Variants in KCTD9 observed in about 807,000 individuals in gnomAD.
KCTD9 encodes BTB/POZ domain-containing protein KCTD9.
In KCTD9, 17 loss-of-function variants were observed where a neutral mutation model predicts 53.3. The observed-to-expected ratio is 0.32, with a 90% CI of 0.22 to 0.48. The LOEUF (loss-of-function observed/expected upper bound fraction) is 0.48. Ranked by LOEUF, KCTD9 falls within the 20% of genes least tolerant of loss-of-function variation. The probability of loss-of-function intolerance (pLI) is 0.99; values close to 1 mark genes in which losing one functional copy is unlikely to be tolerated. For missense variants in KCTD9, 179 were observed against 465.5 expected (o/e 0.38, Z 5.66); for synonymous variants, 128 against 162.7 (o/e 0.79, Z 1.62).
chr8:25,442,458 A>T lies in KCTD9; in HGVS notation c.215-1785T>A, dbSNP rs1360656149. ...CACTGAGGTATAATTAACACAGAAC[A>T]AGTTACACATACTAAAGTTTATAAT... On this transcript the variant is annotated intron_variant, in intron 3 of 11. Coordinates refer to ENST00000221200, the MANE Select transcript of KCTD9 (RefSeq NM_017634.4). Among the ~76,000 whole-genome samples, 3 of 152,220 alleles carry T rather than the reference A, an allele frequency of 2.0e-5. No individual in the cohort carries two copies. In the East Asian group the frequency reaches 5.8e-4, roughly 29 times the overall value.
intron 1 of KCTD9, among the ~76,000 whole-genome samples, chr8:25,453,162 G>GCCTGA (rs1332476052): frequency 2.6e-5 from 4 of 152,010 alleles, no homozygotes; most frequent in African/African-American, 9.7e-5. Flanking sequence ...GCCGAGACCA[G>GCCTGA]CCTGACCAAC....
intron 1 of KCTD9, among the ~76,000 whole-genome samples, chr8:25,456,494 A>T (rs1352499279): frequency 6.6e-6 from 1 of 152,242 alleles, no homozygotes; most frequent in Non-Finnish European, 1.5e-5. Context: ...GAATATGTTC[A>T]TCAGCTGAGC....
At chr8:25,440,778 A>G in intron 3 of KCTD9, 105 bp from the exon 4 acceptor site, 3 of 753,694 alleles carry the variant, frequency 4.0e-6, no homozygotes, top group Non-Finnish European at 6.9e-6. Context: ...ATAAAAGCAT[A>G]CCAGAGCTAC....
rs141428355 is a variant in KCTD9 at position 25,449,839 on chromosome 8, A to G, written c.49-3589T>C. ...AGAGCAGAAAAAAAAAAATGAAGAA[A>G]AAAAAACACAACTATTTTAATTCTA... On this transcript the variant is annotated intron_variant, in intron 1 of 11. Transcript: ENST00000221200. Among the ~76,000 whole-genome samples, 12 of 152,322 alleles carry G rather than the reference A, an allele frequency of 7.9e-5. No homozygotes were observed. The East Asian group carries it at 2.1e-3, about 27-fold the overall frequency.
At chr8:25,430,525 C>T (rs1801907252) in intron 11 of KCTD9, among the ~76,000 whole-genome samples, 1 of 152,222 alleles carries the variant, frequency 6.6e-6, no homozygotes, top group South Asian at 2.1e-4. Context: ...TGATCTGTCA[C>T]TGTCTCCAAC....
Position 25,435,346 on chromosome 8 carries a change from C to T in KCTD9, c.813+17G>A. 1.3e-6 allele frequency: 2 copies of T among 1,541,068 alleles called. No homozygotes were observed. The highest frequency in any genetic ancestry group is 1.7e-6 in the Non-Finnish European group (2 of 1,143,534). ...CTAAACATTTAATTTTCTCTTGTAG[C>T]CTAAAATGATACTTACGTCAAGCAC... On this transcript the variant is annotated intron_variant, in intron 9 of 11. Coordinates refer to ENST00000221200, the MANE Select transcript of KCTD9 (RefSeq NM_017634.4).
intron 1 of KCTD9, chr8:25,457,241 C>T: frequency 2.6e-6 from 1 of 379,636 alleles, no homozygotes. Flanking sequence ...CAGTGTTCCC[C>T]GAATGTGCAG....
rs555113551 is a variant in KCTD9, at chr8:25,429,625, T to G, written c.*232A>C. ...CTACCCCATTCAAAAGGCAGCAATA[T>G]CTAGTTTCCCTACATCTATTAAATG... On this transcript the variant is annotated 3_prime_UTR_variant, in exon 12 of 12. Coordinates refer to ENST00000221200, the MANE Select transcript of KCTD9 (RefSeq NM_017634.4). 176 of 391,648 alleles carry G rather than the reference T, an allele frequency of 4.5e-4. No homozygotes were observed. Among genetic ancestry groups the G allele is most frequent in the African/African-American group, 3.1e-3 (147 of 47,894 alleles). 24.3% of individuals were successfully genotyped at this position (391,648 alleles called of 1,614,324 possible). A position where few individuals can be genotyped will look rare whatever the true frequency, so the allele number is the denominator to read the frequency against.
intron 11 of KCTD9, among the ~76,000 whole-genome samples, chr8:25,430,566 A>G (rs1286844056): frequency 3.3e-5 from 5 of 152,168 alleles, no homozygotes. Flanking sequence ...AGTTGCAAGA[A>G]AACAAACTCA....
chr8:25,450,875 T>C (rs531154225), intron 1 of KCTD9, among the ~76,000 whole-genome samples: 2 of 152,358 alleles, frequency 1.3e-5, no homozygotes, highest in East Asian at 3.9e-4. Context: ...AAGTTTTAAT[T>C]TATTTTAAGG....
chr8:25,445,058 T>C (rs2117420667), intron 2 of KCTD9, among the ~76,000 whole-genome samples: 1 of 152,298 alleles, frequency 6.6e-6, no homozygotes, highest in Non-Finnish European at 1.5e-5. Flanking sequence ...GTTAGGTTGA[T>C]GAGGATCATC....
intron 6 of KCTD9, 73 bp downstream of exon 6, chr8:25,439,206 A>G: frequency 8.2e-7 from 1 of 1,225,088 alleles, no homozygotes; most frequent in Non-Finnish European, 1.1e-6. Flanking sequence ...ACTGAGTGAA[A>G]CAAAGTTAAA....
At chr8:25,437,316 G>C (rs1449563178) in intron 6 of KCTD9, among the ~76,000 whole-genome samples, 3 of 152,132 alleles carry the variant, frequency 2.0e-5, no homozygotes, top group Non-Finnish European at 4.4e-5. Context: ...AACTCTTAGG[G>C]AATGCAGCCA....
intron 1 of KCTD9, chr8:25,450,316 AC>A: frequency 1.0e-6 from 1 of 985,174 alleles, no homozygotes; most frequent in Non-Finnish European, 1.2e-6. Context: ...GATAAGCAGC[AC>A]TAAAGAAGTA....
chr8:25,446,637 A>G (rs563126152), intron 1 of KCTD9, among the ~76,000 whole-genome samples: 7 of 152,368 alleles, frequency 4.6e-5, no homozygotes, highest in African/African-American at 1.7e-4. Flanking sequence ...CACCTACTTC[A>G]GAAGGTATTA....
intron 2 of KCTD9, 88 bp downstream of exon 2, chr8:25,446,041 C>G: frequency 6.6e-7 from 1 of 1,510,226 alleles, no homozygotes; most frequent in Admixed American, 1.9e-5. Context: ...GTACTCTTAA[C>G]AGTGATTAAA....
intron 1 of KCTD9, among the ~76,000 whole-genome samples, chr8:25,449,770 A>G (rs915590918): frequency 6.6e-6 from 1 of 152,178 alleles, no homozygotes; most frequent in Non-Finnish European, 1.5e-5. Flanking sequence ...GAATAGCACA[A>G]ATTTCCATCA....
chr8:25,457,740 T>C (rs1586446047), intron 1 of KCTD9: 1 of 153,646 alleles, frequency 6.5e-6, no homozygotes, highest in African/African-American at 2.4e-5. Flanking sequence ...TACTTCTGTC[T>C]CCCTGACCCA....
intron 10 of KCTD9, among the ~76,000 whole-genome samples, 178 bp downstream of exon 10, chr8:25,433,152 C>T (rs1434575419): frequency 6.6e-6 from 1 of 152,116 alleles, no homozygotes; most frequent in Admixed American, 6.5e-5. Flanking sequence ...TTTTGATTAG[C>T]ATTTGACTGA....
Sources: gnomAD v4.1 joint callset for allele counts (sites outside exome capture counted in the v4.1 genomes callset) on GRCh38, gnomAD v4.1.1 for gene constraint, MANE v1.5 for transcripts, NCBI Gene and HGNC (gene_info 2026-07-23, HGNC 2026-07-21) for gene names.